The following NADK2 variants were observed in gnomAD, a reference collection of about 807,000 sequenced individuals.
NADK2 encodes NAD kinase domain-containing protein 1, mitochondrial.
NADK2 carries 35 observed loss-of-function variants against 62.1 expected under a neutral mutation model. The observed-to-expected ratio is 0.56, with a 90% CI of 0.43 to 0.75. The LOEUF is 0.75. Among genes scored for constraint, NADK2 ranks in the 30% least tolerant of loss-of-function variants. The probability of loss-of-function intolerance (pLI) is 0.00; values close to 1 mark genes in which losing one functional copy is unlikely to be tolerated. For synonymous variants in NADK2, 205 were observed against 207.9 expected (o/e 0.99, Z 0.12); for missense variants, 439 against 561.3 (o/e 0.78, Z 2.20).
At position 36,193,481 on chromosome 5, in the gene NADK2, A is replaced by G. The variant is rs1342080941; in HGVS notation, c.*1663T>C. ...AAAGCAAGACTCCGTTCTCAAAAAAAAAAAAAAAAAAAAAGAAGGTATTTT... is the reference window on the plus strand; with the variant it reads ...AAAGCAAGACTCCGTTCTCAAAAAAGAAAAAAAAAAAAAAGAAGGTATTTT... On this transcript the variant is annotated 3_prime_UTR_variant, in exon 12 of 12. Transcript: ENST00000381937. The G allele has an allele frequency of 6.6e-6, 1 of 151,414 alleles. No homozygotes were observed. The highest frequency in any genetic ancestry group is 1.5e-5 in the Non-Finnish European group (1 of 67,908). The allele number at this position is 151,414 out of a possible 1,614,324, so 9.4% of individuals were successfully genotyped here.
At chr5:36,229,441 A>T (rs1561073641) in intron 1 of NADK2, among the ~76,000 whole-genome samples, 1 of 152,298 alleles carries the variant, frequency 6.6e-6, no homozygotes, top group East Asian at 1.9e-4. Context: ...TTAATCAACA[A>T]ATCAACATGA....
intron 1 of NADK2, among the ~76,000 whole-genome samples, chr5:36,238,191 T>G (rs1579644461): frequency 6.6e-6 from 1 of 152,224 alleles, no homozygotes; most frequent in Non-Finnish European, 1.5e-5. Context: ...CATGGTACGC[T>G]TATTGCATAC....
rs201216561 is a variant in NADK2, at chr5:36,230,961, T to C, written c.301-3396A>G. On this transcript the variant is annotated intron_variant, in intron 1 of 11. Transcript: ENST00000381937. ...CAACAGTTATATCTAATTTACCACTTCTACTTTAAATAAAACTTCAAGGGT... is the reference window on the plus strand; with the variant it reads ...CAACAGTTATATCTAATTTACCACTCCTACTTTAAATAAAACTTCAAGGGT... Among the ~76,000 whole-genome samples the C allele has an allele frequency of 1.5e-4, 23 of 152,318 alleles. No individual in the cohort carries two copies. In the East Asian group the frequency reaches 4.4e-3, roughly 29 times the overall value.
In NADK2 at chr5:36,212,191, A is replaced by T. The variant is rs1019699521; in HGVS notation, c.782-269T>A. 16 of 236,438 alleles carry T rather than the reference A, an allele frequency of 6.8e-5. No individual in the cohort carries two copies. In the Admixed American group the frequency reaches 7.1e-4, roughly 10 times the overall value. 14.6% of individuals were successfully genotyped at this position (236,438 alleles called of 1,614,324 possible). ...AGCAATTTCTCAAGAGTGATGAACT[A>T]TATTTATCCATCTCAAAAGATTCTT... On this transcript the variant is annotated intron_variant, in intron 6 of 11. Coordinates refer to ENST00000381937, the MANE Select transcript of NADK2 (RefSeq NM_001085411.3).
intron 7 of NADK2, 100 bp from the exon 8 acceptor site, chr5:36,207,365 C>G (rs1746679300): frequency 1.4e-5 from 11 of 805,918 alleles, no homozygotes; most frequent in Non-Finnish European, 2.2e-5. Flanking sequence ...AGTCAGCTTA[C>G]CCAAGAAATA....
chr5:36,221,941 C>A (rs1205648078), intron 4 of NADK2: 4 of 152,182 alleles, frequency 2.6e-5, no homozygotes, highest in Non-Finnish European at 4.4e-5. Context: ...ATTTACTCAG[C>A]TAGACTGGGG....
intron 7 of NADK2, among the ~76,000 whole-genome samples, chr5:36,208,953 TAATA>T (rs1746741864): frequency 6.6e-6 from 1 of 152,088 alleles, no homozygotes; most frequent in Admixed American, 6.6e-5. Context: ...ATTTTGTCAC[TAATA>T]AATACAACCA....
At chr5:36,227,594 T>C (rs1230427776) in intron 1 of NADK2, 29 bp from the exon 2 acceptor site, 4 of 1,246,614 alleles carry the variant, frequency 3.2e-6, no homozygotes, top group Non-Finnish European at 4.4e-6. Context: ...AACGTTGTTT[T>C]ACTAATATAT....
chr5:36,207,824 A>G (rs567532563), intron 7 of NADK2, among the ~76,000 whole-genome samples: 143 of 152,284 alleles, frequency 9.4e-4, no homozygotes, highest in African/African-American at 3.2e-3. Flanking sequence ...GGATTAGTGG[A>G]CAAAACTAGA....
chr5:36,201,084 C>T, intron 9 of NADK2, 22 bp downstream of exon 9: 1 of 1,608,832 alleles, frequency 6.2e-7, no homozygotes. Context: ...GGGACTACTC[C>T]AATAGCTGTT....
chr5:36,219,896 C>T (rs1055716690), intron 4 of NADK2, among the ~76,000 whole-genome samples: 1 of 152,040 alleles, frequency 6.6e-6, no homozygotes, highest in African/African-American at 2.4e-5. Context: ...GCTTTAATGC[C>T]ATAATACATA....
At chr5:36,217,259 C>T (rs1747078410) in intron 6 of NADK2, among the ~76,000 whole-genome samples, 1 of 152,010 alleles carries the variant, frequency 6.6e-6, no homozygotes. Context: ...TTGCTTTAAC[C>T]CTCCTAACAA....
chr5:36,221,821 G>A (rs917823650), intron 4 of NADK2: 1 of 152,162 alleles, frequency 6.6e-6, no homozygotes, highest in Non-Finnish European at 1.5e-5. Flanking sequence ...TTACCTTAAT[G>A]ATATAAAAAT....
chr5:36,198,876 T>A (rs6451261), intron 10 of NADK2, among the ~76,000 whole-genome samples: 74,093 of 151,512 alleles, frequency 0.49, 19,200 homozygotes, highest in Non-Finnish European at 0.58. Context: ...TTTCAAACTA[T>A]TTTAGAGGCA....
At chr5:36,224,999 T>C (rs1028245604) in intron 4 of NADK2, among the ~76,000 whole-genome samples, 2 of 152,056 alleles carry the variant, frequency 1.3e-5, no homozygotes, top group Admixed American at 1.3e-4. Flanking sequence ...AAATGGATCA[T>C]TATTAACTTG....
intron 1 of NADK2, among the ~76,000 whole-genome samples, chr5:36,235,969 T>C (rs947525716): frequency 6.6e-6 from 1 of 151,738 alleles, no homozygotes; most frequent in African/African-American, 2.4e-5. Flanking sequence ...TGAAATTATA[T>C]ATTTCCGTTG....
intron 1 of NADK2, among the ~76,000 whole-genome samples, chr5:36,230,308 C>G (rs1747660051): frequency 6.6e-6 from 1 of 152,226 alleles, no homozygotes; most frequent in Admixed American, 6.5e-5. Flanking sequence ...ATCCCTCCAC[C>G]TAACTCTGAC....
intron 1 of NADK2, among the ~76,000 whole-genome samples, chr5:36,234,627 T>G (rs192823049): frequency 1.3e-5 from 2 of 152,106 alleles, no homozygotes; most frequent in South Asian, 2.1e-4. Context: ...TCTGGTGAGG[T>G]AGGGAGTGGG....
intron 1 of NADK2, 22 bp from the exon 2 acceptor site, chr5:36,227,587 G>A (rs377379145): frequency 2.4e-5 from 32 of 1,336,034 alleles, no homozygotes; most frequent in East Asian, 1.3e-4. Context: ...CAAAAGAAAC[G>A]TTGTTTTACT....
Sources: gnomAD v4.1 joint callset for allele counts (sites outside exome capture counted in the v4.1 genomes callset) on GRCh38, gnomAD v4.1.1 for gene constraint, MANE v1.5 for transcripts, NCBI Gene and HGNC (gene_info 2026-07-23, HGNC 2026-07-21) for gene names.